Variants in MKS1 observed in about 807,000 individuals in gnomAD.
MKS1 encodes the protein tectonic-like complex member MKS1.
Under a neutral mutation model 83.7 loss-of-function variants are expected in MKS1, and 70 were observed. The ratio of observed to expected loss-of-function variants is 0.84; its 90% CI spans 0.69 to 1.02. MKS1 has a LOEUF of 1.02. Ranked by LOEUF, MKS1 falls within the 50% of genes least tolerant of loss-of-function variation. The pLI, the probability that MKS1 is intolerant of heterozygous loss-of-function variation, is 0.00. For synonymous variants in MKS1, 251 were observed against 273.4 expected (o/e 0.92, Z 0.81); for missense variants, 681 against 726.9 (o/e 0.94, Z 0.73).
intron 9 of MKS1, among the ~76,000 whole-genome samples, chr17:58,211,637 A>C (rs1185500122): frequency 6.6e-6 from 1 of 152,170 alleles, no homozygotes; most frequent in Non-Finnish European, 1.5e-5. Context: ...ATCATAGCTC[A>C]ATGCAAACTC....
In MKS1 at chr17:58,205,478, A is replaced by G; in HGVS notation, c.*601T>C. ...GGGTTTATGTAACAAAAAACAAAAA[A>G]ACAAACAAACAAAAAAACACAGTAA... On this transcript the variant is annotated 3_prime_UTR_variant, in exon 18 of 18. Transcript: ENST00000393119. 2 of 1,253,186 alleles carry G rather than the reference A, an allele frequency of 1.6e-6. No homozygotes were observed. The highest frequency in any genetic ancestry group is 2.1e-6 in the Non-Finnish European group (2 of 969,722). The allele number at this position is 1,253,186 out of a possible 1,614,324, so 77.6% of individuals were successfully genotyped here. A position where few individuals can be genotyped will look rare whatever the true frequency, so the allele number is the denominator to read the frequency against.
intron 3 of MKS1, among the ~76,000 whole-genome samples, 184 bp from the exon 4 acceptor site, chr17:58,216,427 G>A (rs1246661395): frequency 6.6e-6 from 1 of 152,210 alleles, no homozygotes; most frequent in Non-Finnish European, 1.5e-5. Context: ...GAACCAGACT[G>A]ATAGTCTAAT....
Position 58,206,390 on chromosome 17 carries a change from G to A in MKS1, c.1491-10C>T, listed in dbSNP as rs1708164751. Reference sequence around the variant, plus strand: ...CGATTCCATGAAGGCCCTGCAGGGAGGCCAGCCACATGGTTACGGCTGTCT... The same window carrying A: ...CGATTCCATGAAGGCCCTGCAGGGAAGCCAGCCACATGGTTACGGCTGTCT... On this transcript the variant is annotated splice_polypyrimidine_tract_variant and intron_variant, in intron 16 of 17. Transcript: ENST00000393119. The A allele has an allele frequency of 3.1e-6, 5 of 1,614,004 alleles. No homozygotes were observed. Among genetic ancestry groups the A allele is most frequent in the Non-Finnish European group, 4.2e-6 (5 of 1,180,004 alleles).
rs1211138175 is a variant in MKS1, at chr17:58,210,700, T to A, written c.983A>T (p.Asp328Val). Reference protein sequence around the residue: ...EVVSAQGYEYDNLYVHFFVEL... With the variant: ...EVVSAQGYEYVNLYVHFFVEL... ...TACAAAGAAGTGGACGTAGAGATTG[T>A]CATACTCATAGCCTTGGGCTGAAAC... The change falls in exon 11 of 18, where the codon GAC (aspartate) becomes GTC (valine). Residue 328 changes from aspartate to valine, a missense_variant. Coordinates refer to ENST00000393119, the MANE Select transcript of MKS1 (RefSeq NM_017777.4). 5 of 1,614,128 alleles carry A rather than the reference T, an allele frequency of 3.1e-6. No individual in the cohort carries two copies. In the South Asian group the frequency reaches 5.5e-5, roughly 18 times the overall value.
At chr17:58,215,394 G>A (rs182035770) in intron 4 of MKS1, among the ~76,000 whole-genome samples, 4 of 152,184 alleles carry the variant, frequency 2.6e-5, no homozygotes, top group Admixed American at 1.3e-4. Context: ...CACGTAGCCG[G>A]GACTACAGGT....
intron 1 of MKS1, 147 bp downstream of exon 1, chr17:58,219,004 G>C: frequency 3.4e-6 from 4 of 1,187,678 alleles, no homozygotes; most frequent in Non-Finnish European, 4.7e-6. Context: ...TGAGTGGATG[G>C]GGGTACGGAT....
chr17:58,207,290 T>TGACACAG, intron 14 of MKS1, 72 bp from the exon 15 acceptor site: 1 of 1,601,488 alleles, frequency 6.2e-7, no homozygotes, highest in Non-Finnish European at 8.5e-7. Context: ...TCCCCAGCAA[T>TGACACAG]GACACAGGCC....
In MKS1 at chr17:58,212,390, G is replaced by A. The variant is rs142805406; in HGVS notation, c.903C>T (p.Thr301=). ...HKEYLSSLVG[T]DFEMTVPGAL... ...CCAAGCTACTCACCATCTCAAAGTC[G>A]GTGCCTACGAGGCTGCTGAGATACT... Residue 301 remains threonine (T), a synonymous_variant, in exon 9 of 18, where the codon ACC becomes ACT. Transcript: ENST00000393119. The A allele has an allele frequency of 4.8e-5, 78 of 1,614,142 alleles. No homozygotes were observed. In the African/African-American group the frequency reaches 9.1e-4, roughly 19 times the overall value.
intron 7 of MKS1, among the ~76,000 whole-genome samples, chr17:58,213,495 G>C (rs1969005258): frequency 6.6e-6 from 1 of 152,220 alleles, no homozygotes; most frequent in Non-Finnish European, 1.5e-5. Flanking sequence ...GTTCTGGTCA[G>C]GTCCTACATT....
intron 2 of MKS1, 135 bp from the exon 3 acceptor site, chr17:58,216,871 A>C: frequency 1.2e-6 from 1 of 847,542 alleles, no homozygotes; most frequent in South Asian, 1.4e-5. Flanking sequence ...TTTAGTAAGC[A>C]CTCAACCTAG....
chr17:58,212,316 C>T, intron 9 of MKS1, 62 bp downstream of exon 9: 1 of 1,588,758 alleles, frequency 6.3e-7, no homozygotes, highest in Non-Finnish European at 8.6e-7. Context: ...TGTAACTCAT[C>T]CACAGTCAGA....
intron 15 of MKS1, 110 bp from the exon 16 acceptor site, chr17:58,206,657 T>C (rs1456689439): frequency 1.8e-6 from 2 of 1,110,480 alleles, no homozygotes; most frequent in East Asian, 2.5e-5. Context: ...CGCAGTTCTG[T>C]TGGGGAAACC....
chr17:58,215,097 A>G (rs1969115675), intron 4 of MKS1, among the ~76,000 whole-genome samples: 1 of 152,250 alleles, frequency 6.6e-6, no homozygotes, highest in African/African-American at 2.4e-5. Context: ...TTCTCTGAGC[A>G]CAAACCAACA....
chr17:58,218,575 T>C (rs1399136176), intron 2 of MKS1, 45 bp downstream of exon 2: 15 of 1,372,338 alleles, frequency 1.1e-5, no homozygotes, highest in Non-Finnish European at 1.6e-5. Context: ...TTCTGATTAG[T>C]ATCATAATTA....
rs772205041 is a variant in MKS1 at position 58,210,676 on chromosome 17, A to G, written c.1007T>C (p.Val336Ala). ...EYDNLYVHFF[V>A]ELPTAHWSSP... The stretch of plus-strand genomic sequence containing the variant: ...TTACTTACGAGCAGTTGGCAATTCT[A>G]CAAAGAAGTGGACGTAGAGATTGTC... Residue 336 changes from valine to alanine, a missense_variant, in exon 11 of 18, where the codon GTA becomes GCA. This residue lies in a region of MKS1 where 310 missense variants were observed against 321.7 expected (regional missense o/e 0.96). Coordinates refer to ENST00000393119, the MANE Select transcript of MKS1 (RefSeq NM_017777.4). The G allele has an allele frequency of 5.0e-6, 8 of 1,613,978 alleles. No homozygotes were observed. In the Middle Eastern group the frequency reaches 4.9e-4, roughly 100 times the overall value.
chr17:58,218,016 T>G (rs956061830), intron 2 of MKS1, among the ~76,000 whole-genome samples: 1 of 152,140 alleles, frequency 6.6e-6, no homozygotes, highest in African/African-American at 2.4e-5. Context: ...GTTTCCCAGA[T>G]AAGGAAAACC....
rs1968715267 is a variant in MKS1, at chr17:58,209,091, ATCTC to A, written c.1025-512_1025-509del. 6.6e-6 allele frequency among the ~76,000 whole-genome samples: 1 copy of A among 151,888 alleles called. No homozygotes were observed. The highest frequency in any genetic ancestry group is 2.4e-5 in the African/African-American group (1 of 41,358). On this transcript the variant is annotated intron_variant, in intron 11 of 17. Transcript: ENST00000393119. This position sits in a 1 kb window ranked among gnomAD's most constrained non-coding sequence, Gnocchi z 4.1. ...TCTACACAGACACAGTAACAATCTG[ATCTC>A]TCTTTCTTTTCCCCACATTTCCCCC...
At chr17:58,210,794 G>A (rs543650223) in intron 10 of MKS1, 70 bp from the exon 11 acceptor site, 19 of 1,518,712 alleles carry the variant, frequency 1.3e-5, no homozygotes, top group East Asian at 1.1e-4. Context: ...CCAATCCTGA[G>A]GGGCCTACAC....
chr17:58,218,846 G>T (rs12943244), intron 1 of MKS1, 117 bp from the exon 2 acceptor site: 2 of 978,114 alleles, frequency 2.0e-6, no homozygotes, highest in African/African-American at 1.6e-5. Flanking sequence ...GCTGGGTGCA[G>T]ACAACGGAGA....
Sources: allele counts gnomAD v4.1 joint callset (sites outside exome capture counted in the v4.1 genomes callset), GRCh38; gene constraint gnomAD v4.1.1; regional missense constraint gnomAD v4.1.1; non-coding constraint Gnocchi (gnomAD v3.1); transcripts MANE v1.5; gene names NCBI Gene and HGNC (gene_info 2026-07-23, HGNC 2026-07-21).